The following CEPT1 variants were observed in gnomAD, a reference collection of about 807,000 sequenced individuals.
CEPT1 encodes choline/ethanolamine phosphotransferase 1, also known as choline/ethanolaminephosphotransferase 1.
Under a neutral mutation model 42.6 loss-of-function variants are expected in CEPT1, and 7 were observed. The observed-to-expected ratio is 0.16, with a 90% CI of 0.09 to 0.31. The LOEUF (loss-of-function observed/expected upper bound fraction) is 0.31. CEPT1 is among the 10% of genes least tolerant of loss of function. CEPT1 has a pLI of 1.00. For missense variants in CEPT1, 306 were observed against 502.1 expected (o/e 0.61, Z 3.73); for synonymous variants, 171 against 171.9 (o/e 0.99, Z 0.04).
intron 7 of CEPT1, 145 bp from the exon 8 acceptor site, chr1:111,183,317 A>C: frequency 1.1e-6 from 1 of 877,952 alleles, no homozygotes; most frequent in South Asian, 1.7e-5. Context: ...GACGCATTTC[A>C]TATTGTTGGG....
Position 111,184,886 on chromosome 1 carries a change from AT to A in CEPT1, c.*578del, listed in dbSNP as rs954144312. 1 of 137,818 alleles carries A rather than the reference AT, an allele frequency of 7.3e-6. No individual in the cohort carries two copies. Among genetic ancestry groups the A allele is most frequent in the Non-Finnish European group, 1.5e-5 (1 of 64,896 alleles). 8.5% of individuals were successfully genotyped at this position (137,818 alleles called of 1,614,324 possible). ...TTTTTTTTTAATTGCTCAAGAAATGATTCTCTCACAGGCTTGGGAAATCCTG... is the reference window on the plus strand; with the variant it reads ...TTTTTTTTTAATTGCTCAAGAAATGATCTCTCACAGGCTTGGGAAATCCTG... On this transcript the variant is annotated 3_prime_UTR_variant, in exon 9 of 9. Transcript: ENST00000357172.
intron 4 of CEPT1, 140 bp from the exon 5 acceptor site, chr1:111,174,739 G>A (rs543835333): frequency 2.0e-6 from 1 of 511,422 alleles, no homozygotes; most frequent in South Asian, 3.4e-5. Context: ...AATTTTTGAT[G>A]CCTCCTTTTC....
intron 2 of CEPT1, among the ~76,000 whole-genome samples, chr1:111,149,596 T>G (rs1414457235): frequency 6.6e-6 from 1 of 152,188 alleles, no homozygotes; most frequent in African/African-American, 2.4e-5. Context: ...GTTGCTCAGT[T>G]AGGATACTTA....
rs751313096 is a variant in CEPT1 at position 111,182,168 on chromosome 1, C to T, written c.715-19C>T. ...AGTTTGTATATGTTTTAATTGTTTTCTCTCTCTACCCATTAAAGATTCCAG... is the reference window on the plus strand; with the variant it reads ...AGTTTGTATATGTTTTAATTGTTTTTTCTCTCTACCCATTAAAGATTCCAG... On this transcript the variant is annotated intron_variant, in intron 5 of 8. Coordinates refer to ENST00000357172, the MANE Select transcript of CEPT1 (RefSeq NM_006090.5). The T allele has an allele frequency of 1.9e-6, 3 of 1,544,854 alleles. No individual in the cohort carries two copies. The highest frequency in any genetic ancestry group is 2.3e-5 in the East Asian group (1 of 43,172).
chr1:111,184,367 T>G lies in CEPT1; in HGVS notation c.*57T>G. 1 of 1,379,694 alleles carries G rather than the reference T, an allele frequency of 7.2e-7. No homozygotes were observed. Among genetic ancestry groups the G allele is most frequent in the Non-Finnish European group, 1.0e-6 (1 of 985,602 alleles). 85.5% of individuals were successfully genotyped at this position (1,379,694 alleles called of 1,614,324 possible). A position where few individuals can be genotyped will look rare whatever the true frequency, so the allele number is the denominator to read the frequency against. ...TTCTGCAGGAAAGAAAGTAACATAT[T>G]AAGGAGAATGGGGGTGGATAAGAAC... On this transcript the variant is annotated 3_prime_UTR_variant, in exon 9 of 9. Transcript: ENST00000357172.
chr1:111,148,062 T>TA lies in CEPT1; in HGVS notation c.339+9_339+10insA. On this transcript the variant is annotated intron_variant, in intron 2 of 8. Coordinates refer to ENST00000357172, the MANE Select transcript of CEPT1 (RefSeq NM_006090.5). ...CTACAGCTACAGAGCAGGTAAGAGT[T>TA]TCTTAACAGATCTCAACATTTGCTA... 6.2e-7 allele frequency: 1 copy of TA among 1,602,656 alleles called. No individual in the cohort carries two copies. Among genetic ancestry groups the TA allele is most frequent in the Non-Finnish European group, 8.5e-7 (1 of 1,170,258 alleles).
intron 4 of CEPT1, among the ~76,000 whole-genome samples, chr1:111,170,152 C>T (rs1176826165): frequency 6.6e-6 from 1 of 152,172 alleles, no homozygotes; most frequent in Non-Finnish European, 1.5e-5. Flanking sequence ...CTTTATTTAA[C>T]TCAGAGATTG....
At chr1:111,149,392 A>C (rs1329388472) in intron 2 of CEPT1, among the ~76,000 whole-genome samples, 2 of 151,662 alleles carry the variant, frequency 1.3e-5, no homozygotes, top group African/African-American at 4.9e-5. Flanking sequence ...CCTCCCAAGT[A>C]ACTGGGATTA....
chr1:111,150,288 A>T (rs969063455), intron 2 of CEPT1, among the ~76,000 whole-genome samples: 5 of 152,220 alleles, frequency 3.3e-5, no homozygotes, highest in African/African-American at 7.2e-5. Context: ...TTGTGGTATG[A>T]TGATCATACA....
At chr1:111,176,046 C>T (rs566423421) in intron 5 of CEPT1, among the ~76,000 whole-genome samples, 1 of 152,248 alleles carries the variant, frequency 6.6e-6, no homozygotes, top group South Asian at 2.1e-4. Flanking sequence ...GTAATTGATA[C>T]ACTACCCACA....
At chr1:111,182,364 G>A (rs1657033626) in intron 6 of CEPT1, 46 bp downstream of exon 6, 1 of 1,559,624 alleles carries the variant, frequency 6.4e-7, no homozygotes, top group Non-Finnish European at 8.7e-7. Flanking sequence ...ACTAGGACTT[G>A]GTTTTGTTGT....
intron 7 of CEPT1, 110 bp downstream of exon 7, chr1:111,183,067 T>G: frequency 2.8e-6 from 3 of 1,073,360 alleles, no homozygotes; most frequent in Non-Finnish European, 4.0e-6. Context: ...GTTTGCCCTC[T>G]TCTAATCAGA....
At chr1:111,153,420 A>G (rs910046477) in intron 2 of CEPT1, among the ~76,000 whole-genome samples, 1 of 152,076 alleles carries the variant, frequency 6.6e-6, no homozygotes, top group African/African-American at 2.4e-5. Flanking sequence ...CTGACCTCAG[A>G]TAATCCACCT....
intron 2 of CEPT1, among the ~76,000 whole-genome samples, chr1:111,152,355 A>G (rs890016923): frequency 5.9e-5 from 9 of 152,176 alleles, no homozygotes; most frequent in African/African-American, 2.2e-4. Flanking sequence ...AGAGTTAAAA[A>G]AATGCAAAGA....
intron 8 of CEPT1, 88 bp from the exon 9 acceptor site, chr1:111,184,103 G>A: frequency 7.6e-7 from 1 of 1,320,510 alleles, no homozygotes; most frequent in South Asian, 1.4e-5. Flanking sequence ...AGGTGAATCT[G>A]TAGAGAGAAC....
rs924152073 is a variant in CEPT1, at chr1:111,159,358, C to G, written c.340-22C>G. ...GTAACTGTGTGTCTGAATACTCTTGCCTTTCTTATTTTATTTCACAGGCAC... is the reference window on the plus strand; with the variant it reads ...GTAACTGTGTGTCTGAATACTCTTGGCTTTCTTATTTTATTTCACAGGCAC... On this transcript the variant is annotated intron_variant, in intron 2 of 8. Coordinates refer to ENST00000357172, the MANE Select transcript of CEPT1 (RefSeq NM_006090.5). The G allele has an allele frequency of 2.5e-6, 4 of 1,596,966 alleles. No homozygotes were observed. In the African/African-American group the frequency reaches 5.4e-5, roughly 22 times the overall value.
chr1:111,143,875 A>C (rs325925), intron 1 of CEPT1, among the ~76,000 whole-genome samples: 106,447 of 151,950 alleles, frequency 0.7, 37,820 homozygotes, highest in African/African-American at 0.82. Flanking sequence ...GTAGCTGGGA[A>C]TGCATGACAG....
intron 4 of CEPT1, among the ~76,000 whole-genome samples, chr1:111,170,992 T>C (rs1241049147): frequency 6.6e-6 from 1 of 152,224 alleles, no homozygotes; most frequent in Non-Finnish European, 1.5e-5. Flanking sequence ...CAAGTGTATC[T>C]TTGAAATGCA....
intron 2 of CEPT1, among the ~76,000 whole-genome samples, chr1:111,148,916 A>G (rs1396481913): frequency 6.6e-6 from 1 of 152,216 alleles, no homozygotes; most frequent in African/African-American, 2.4e-5. Flanking sequence ...ATTCTAACTA[A>G]ACATTTCAGA....
Sources: gnomAD v4.1 joint callset for allele counts (sites outside exome capture counted in the v4.1 genomes callset) on GRCh38, gnomAD v4.1.1 for gene constraint, MANE v1.5 for transcripts, NCBI Gene and HGNC (gene_info 2026-07-23, HGNC 2026-07-21) for gene names.